NCOA1: variants seen among roughly 807,000 people sequenced by gnomAD.
NCOA1 encodes the protein nuclear receptor coactivator 1, also known as Hin-2 protein.
In NCOA1, 35 loss-of-function variants were observed where a neutral mutation model predicts 150.9. That is an observed-to-expected ratio of 0.23 (90% CI 0.18 to 0.31). NCOA1 has a LOEUF of 0.31. Ranked by LOEUF, NCOA1 falls within the 10% of genes least tolerant of loss-of-function variation. The pLI, the probability that NCOA1 is intolerant of heterozygous loss-of-function variation, is 1.00. For missense variants in NCOA1, 1,491 were observed against 1,749.3 expected (o/e 0.85, Z 2.63); for synonymous variants, 590 against 630.0 (o/e 0.94, Z 0.95).
At position 24,741,926 on chromosome 2, in the gene NCOA1, G is replaced by A. The variant is rs775552749; in HGVS notation, c.3446G>A (p.Gly1149Glu). 1 of 1,614,182 alleles carries A rather than the reference G, an allele frequency of 6.2e-7. No homozygotes were observed. The highest frequency in any genetic ancestry group is 2.2e-5 in the East Asian group (1 of 44,884). The change falls in exon 19 of 23, where the codon GGA (glycine) becomes GAA (glutamate). Residue 1149 changes from glycine (G) to glutamate (E), a missense_variant. Physicochemically the swap from Gly to Glu is moderately conservative, Grantham distance 98. Transcript: ENST00000348332. ...SFGNNLPPSS[G>E]LPVQMGNPRL... ...GGGAACAACCTCCCTCCCTCATCTG[G>A]ACTACCAGTTCAAATGGGGAACCCC... is the stretch of plus-strand genomic sequence containing the variant.
At position 24,516,186 on chromosome 2, in the gene NCOA1, C is replaced by CTTTTTT. The variant is rs755818385; in HGVS notation, c.-396+24603_-396+24608dup. Among the ~76,000 whole-genome samples, 61 of 93,006 alleles carry CTTTTTT rather than the reference C, an allele frequency of 6.6e-4. 1 individual carries two copies. Among genetic ancestry groups the CTTTTTT allele is most frequent in the Non-Finnish European group, 8.6e-4 (43 of 50,056 alleles). 61.0% of individuals were successfully genotyped at this position (93,006 alleles called of 152,430 possible). A position where few individuals can be genotyped will look rare whatever the true frequency, so the allele number is the denominator to read the frequency against. ...CTTTATGAATATAAATAGGTTTTGC[C>CTTTTTT]TTTTTTTTTTTTTTTTTTTTTTTTG... On this transcript the variant is annotated intron_variant, in intron 1 of 22. Coordinates refer to ENST00000348332, the MANE Select transcript of NCOA1 (RefSeq NM_003743.5).
At chr2:24,737,097 G>GA (rs1663349736) in intron 17 of NCOA1, among the ~76,000 whole-genome samples, 1 of 152,112 alleles carries the variant, frequency 6.6e-6, no homozygotes, top group Non-Finnish European at 1.5e-5. Flanking sequence ...TGTGTCTAAG[G>GA]ACTAACAACT....
chr2:24,644,931 T>A (rs1432685007), intron 4 of NCOA1, among the ~76,000 whole-genome samples: 2 of 152,184 alleles, frequency 1.3e-5, no homozygotes, highest in African/African-American at 4.8e-5. Context: ...GTGTCCCAGC[T>A]GCACGCCCAT....
chr2:24,527,268 A>G (rs988584286), intron 1 of NCOA1, among the ~76,000 whole-genome samples: 1 of 152,148 alleles, frequency 6.6e-6, no homozygotes, highest in Admixed American at 6.5e-5. Context: ...TTAGACTTTT[A>G]TATCCTACAT....
At chr2:24,715,411 T>G (rs1202551042) in intron 14 of NCOA1, among the ~76,000 whole-genome samples, 2 of 152,204 alleles carry the variant, frequency 1.3e-5, no homozygotes, top group Non-Finnish European at 2.9e-5. Context: ...TTCTACAAAA[T>G]AGTATAATAT....
chr2:24,741,090 T>A (rs1033286744), intron 18 of NCOA1, among the ~76,000 whole-genome samples: 3 of 152,194 alleles, frequency 2.0e-5, no homozygotes, highest in Admixed American at 2.0e-4. Context: ...TATTTTCTTT[T>A]TAAGTGATAA....
chr2:24,757,750 G>A (rs1294212353), intron 20 of NCOA1, among the ~76,000 whole-genome samples: 1 of 152,030 alleles, frequency 6.6e-6, no homozygotes, highest in East Asian at 1.9e-4. Flanking sequence ...CTCTGATATT[G>A]TGCCAGATAA....
In NCOA1 at chr2:24,742,178, C is replaced by G. The variant is rs1357021921; in HGVS notation, c.3698C>G (p.Pro1233Arg). 6.2e-7 allele frequency: 1 copy of G among 1,610,046 alleles called. No homozygotes were observed. Among genetic ancestry groups the G allele is most frequent in the African/African-American group, 1.3e-5 (1 of 74,872 alleles). The change falls in exon 19 of 23, where the codon CCA becomes CGA. Residue 1233 changes from proline (P) to arginine (R), a missense_variant. Transcript: ENST00000348332. ...PQMQQNVFQYPGAGMVPQGEA... is the reference protein window; with the variant it reads ...PQMQQNVFQYRGAGMVPQGEA... The stretch of plus-strand genomic sequence containing the variant: ...ATGCAGCAGAATGTCTTCCAGTATC[C>G]AGGAGCAGGTAGGAAGGTCACAACT...
intron 3 of NCOA1, among the ~76,000 whole-genome samples, chr2:24,608,802 C>T (rs1342907794): frequency 6.7e-6 from 1 of 148,742 alleles, no homozygotes; most frequent in African/African-American, 2.5e-5. Flanking sequence ...TTCCCAGTCT[C>T]CTCTGGTCTA....
At chr2:24,752,273 C>A (rs1664290125) in intron 20 of NCOA1, 117 bp downstream of exon 20, 3 of 1,139,520 alleles carry the variant, frequency 2.6e-6, no homozygotes, top group African/African-American at 1.6e-5. Context: ...GAAGGCCGGA[C>A]ACAAAAGGCC....
At chr2:24,604,466 T>C in intron 3 of NCOA1, among the ~76,000 whole-genome samples, 1 of 152,246 alleles carries the variant, frequency 6.6e-6, no homozygotes, top group East Asian at 1.9e-4. Context: ...GCCACTTTCA[T>C]CATAGTTAGA....
rs956367262 is a variant in NCOA1, at chr2:24,491,566, G to A, written c.-432G>A. On this transcript the variant is annotated 5_prime_UTR_variant, in exon 1 of 23. Coordinates refer to ENST00000348332, the MANE Select transcript of NCOA1 (RefSeq NM_003743.5). ...CGCCGCCACGGTCGCGGACGAGTGC[G>A]GCGCCGGTGAGCGGGGCCCAGAGGC... is the stretch of plus-strand genomic sequence containing the variant. 6.7e-6 allele frequency among the ~76,000 whole-genome samples: 1 copy of A among 148,804 alleles called. No individual in the cohort carries two copies. Among genetic ancestry groups the A allele is most frequent in the African/African-American group, 2.4e-5 (1 of 40,972 alleles).
chr2:24,549,346 CA>C (rs1338762517), intron 1 of NCOA1, among the ~76,000 whole-genome samples: 1 of 152,114 alleles, frequency 6.6e-6, no homozygotes, highest in African/African-American at 2.4e-5. Flanking sequence ...GCCTGGCCCG[CA>C]AAACCATTTT....
chr2:24,633,510 G>A (rs1043683833), intron 3 of NCOA1, among the ~76,000 whole-genome samples: 1 of 152,050 alleles, frequency 6.6e-6, no homozygotes, highest in Non-Finnish European at 1.5e-5. Context: ...CATAATTGAA[G>A]GCGAAGTACT....
At chr2:24,672,119 A>G (rs1207467741) in intron 6 of NCOA1, among the ~76,000 whole-genome samples, 1 of 109,320 alleles carries the variant, frequency 9.1e-6, no homozygotes, top group African/African-American at 2.9e-5. Context: ...TTGTTTATAT[A>G]TATGTTTATA....
chr2:24,673,900 T>C (rs1043898072), intron 7 of NCOA1, among the ~76,000 whole-genome samples: 3 of 152,198 alleles, frequency 2.0e-5, no homozygotes, highest in Non-Finnish European at 2.9e-5. Context: ...TTTAAATTGT[T>C]TATATAAACA....
chr2:24,558,213 G>C (rs555772139), intron 1 of NCOA1, among the ~76,000 whole-genome samples: 6 of 151,926 alleles, frequency 3.9e-5, no homozygotes, highest in Admixed American at 3.9e-4. Context: ...AAGTTCACTT[G>C]TTCTTTCTTC....
chr2:24,516,977 C>CATATACGTATATATACGTTTAT (rs70947822), intron 1 of NCOA1, among the ~76,000 whole-genome samples: 1 of 58,968 alleles, frequency 1.7e-5, no homozygotes, highest in African/African-American at 4.6e-5. Flanking sequence ...TATATATACA[C>CATATACGTATATATACGTTTAT]ATATACGTAT....
intron 4 of NCOA1, among the ~76,000 whole-genome samples, chr2:24,651,947 G>A (rs569893166): frequency 6.6e-6 from 1 of 152,156 alleles, no homozygotes; most frequent in East Asian, 1.9e-4. Flanking sequence ...ATTTTAAATG[G>A]TGTAGTTACT....
Sources: gnomAD v4.1 joint callset for allele counts (sites outside exome capture counted in the v4.1 genomes callset) on GRCh38, gnomAD v4.1.1 for gene constraint, MANE v1.5 for transcripts, NCBI Gene and HGNC (gene_info 2026-07-23, HGNC 2026-07-21) for gene names.